Variants in LARP1B observed in about 807,000 individuals in gnomAD.
LARP1B encodes La ribonucleoprotein 1B, also known as la-related protein 1B.
A neutral mutation model predicts 114.2 loss-of-function variants in LARP1B; 76 were observed. That is an observed-to-expected ratio of 0.67 (90% CI 0.55 to 0.81). The LOEUF is 0.81. Ranked by LOEUF, LARP1B falls within the 30% of genes least tolerant of loss-of-function variation. The pLI is 0.00. For synonymous variants in LARP1B, 345 were observed against 348.0 expected, an observed-to-expected ratio of 0.99 and a Z score of 0.10; for missense variants, 1,014 against 1,075.8, an observed-to-expected ratio of 0.94 and a Z score of 0.80.
intron 9 of LARP1B, among the ~76,000 whole-genome samples, chr4:128,109,549 A>G (rs990199305): frequency 3.9e-5 from 6 of 152,106 alleles, no homozygotes; most frequent in African/African-American, 1.4e-4. Flanking sequence ...TAGGTTTTGC[A>G]GTTTTATGGA....
At chr4:128,151,568 G>C (rs1355868310) in intron 11 of LARP1B, among the ~76,000 whole-genome samples, 1 of 151,238 alleles carries the variant, frequency 6.6e-6, no homozygotes, top group Non-Finnish European at 1.5e-5. Flanking sequence ...CTTCAGTTTG[G>C]ATTTGCCCGA....
intron 15 of LARP1B, among the ~76,000 whole-genome samples, chr4:128,195,331 A>AT (rs1753724114): frequency 6.6e-6 from 1 of 152,168 alleles, no homozygotes; most frequent in Admixed American, 6.6e-5. Flanking sequence ...TGATTGAGGA[A>AT]TTCTTTATCT....
intron 1 of LARP1B, among the ~76,000 whole-genome samples, chr4:128,068,688 C>T (rs953656971): frequency 3.3e-5 from 5 of 152,050 alleles, no homozygotes; most frequent in African/African-American, 1.2e-4. Context: ...GCTGCTATTA[C>T]AGGTGTGAGC....
At chr4:128,093,820 C>G (rs1016667980) in intron 7 of LARP1B, among the ~76,000 whole-genome samples, 4 of 150,278 alleles carry the variant, frequency 2.7e-5, no homozygotes, top group African/African-American at 9.8e-5. Context: ...AAGCAATTCT[C>G]CTGCCTCAGC....
chr4:128,209,862 A>G lies in LARP1B; in HGVS notation c.2554A>G (p.Ile852Val), dbSNP rs1758659397. The G allele has an allele frequency of 1.2e-6, 2 of 1,612,936 alleles. No homozygotes were observed. The highest frequency in any genetic ancestry group is 1.7e-6 in the Non-Finnish European group (2 of 1,179,110). Reference protein sequence around the residue: ...RLEDFRVDPPISDEFGRKRHS... With the variant: ...RLEDFRVDPPVSDEFGRKRHS... ...TGCCTTTCATCATTTGCAGCCCCCT[A>G]TTAGTGATGAATTTGGAAGAAAAAG... The change falls in exon 20 of 20, where the codon ATT becomes GTT. Residue 852 changes from isoleucine (I) to valine (V), a missense_variant. Coordinates refer to ENST00000326639, the MANE Select transcript of LARP1B (RefSeq NM_018078.4).
intron 1 of LARP1B, among the ~76,000 whole-genome samples, chr4:128,068,229 G>A (rs1763832335): frequency 6.6e-6 from 1 of 151,968 alleles, no homozygotes; most frequent in Non-Finnish European, 1.5e-5. Flanking sequence ...TGTTGGCCAG[G>A]CTGATCTTGA....
chr4:128,077,786 A>G lies in LARP1B; in HGVS notation c.43-2A>G. On this transcript the variant is annotated splice_acceptor_variant, in intron 3 of 19. Coordinates refer to ENST00000326639, the MANE Select transcript of LARP1B (RefSeq NM_018078.4). LOFTEE classifies it high-confidence loss of function. ...CATTTCATTCTGAAAACCTTTTTGC[A>G]GTTTCAGAGCGTCCTCAGCCAAGGA... 6.5e-7 allele frequency: 1 copy of G among 1,539,484 alleles called. No individual in the cohort carries two copies. Among genetic ancestry groups the G allele is most frequent in the South Asian group, 1.3e-5 (1 of 76,824 alleles).
chr4:128,164,844 AC>A (rs1740026832), intron 12 of LARP1B, among the ~76,000 whole-genome samples: 1 of 152,116 alleles, frequency 6.6e-6, no homozygotes, highest in Non-Finnish European at 1.5e-5. Flanking sequence ...GCAAATGAAA[AC>A]TAAAAAATGC....
chr4:128,069,365 A>AAAG, intron 1 of LARP1B: 1 of 768,668 alleles, frequency 1.3e-6, no homozygotes, highest in Non-Finnish European at 2.4e-6. Context: ...GCTGGTTAAC[A>AAAG]CCATGATGGA....
intron 3 of LARP1B, among the ~76,000 whole-genome samples, chr4:128,076,849 A>T (rs777186722): frequency 1.3e-5 from 2 of 151,946 alleles, no homozygotes; most frequent in African/African-American, 4.8e-5. Flanking sequence ...CCTCAGCCCC[A>T]TAAGTAGCTG....
At chr4:128,085,214 T>G (rs1000584650) in intron 5 of LARP1B, among the ~76,000 whole-genome samples, 1 of 152,184 alleles carries the variant, frequency 6.6e-6, no homozygotes, top group Non-Finnish European at 1.5e-5. Flanking sequence ...CTCTAGACTT[T>G]TAAAAAATTT....
rs530413233 is a variant in LARP1B, at chr4:128,155,713, C to T, written c.1525-6481C>T. On this transcript the variant is annotated intron_variant, in intron 11 of 19. Coordinates refer to ENST00000326639, the MANE Select transcript of LARP1B (RefSeq NM_018078.4). The stretch of plus-strand genomic sequence containing the variant: ...CAGCCCGGAGGAAGAGGAGCGCCGC[C>T]GAGTAAGGCCCGAGCGGAACAAGCT... 4.4e-6 allele frequency: 7 copies of T among 1,607,444 alleles called. No individual in the cohort carries two copies. In the East Asian group the frequency reaches 1.1e-4, roughly 26 times the overall value.
At chr4:128,207,800 G>C (rs1220550198) in intron 19 of LARP1B, among the ~76,000 whole-genome samples, 1 of 152,248 alleles carries the variant, frequency 6.6e-6, no homozygotes, top group Non-Finnish European at 1.5e-5. Flanking sequence ...AGAGAATGTT[G>C]TGTGCATGTG....
At chr4:128,101,148 A>G (rs545890688) in intron 8 of LARP1B, among the ~76,000 whole-genome samples, 6 of 150,358 alleles carry the variant, frequency 4.0e-5, no homozygotes, top group Non-Finnish European at 7.4e-5. Flanking sequence ...TTGAATAGCA[A>G]GTTTTTGAAC....
At chr4:128,160,158 G>T (rs4484314) in intron 11 of LARP1B, among the ~76,000 whole-genome samples, 62,848 of 152,028 alleles carry the variant, frequency 0.41, 14,252 homozygotes, top group African/African-American at 0.6. Flanking sequence ...AATGAGTGTG[G>T]TTATGTTCCA....
At chr4:128,184,647 A>G (rs1375200408) in intron 15 of LARP1B, among the ~76,000 whole-genome samples, 4 of 152,298 alleles carry the variant, frequency 2.6e-5, no homozygotes, top group African/African-American at 7.2e-5. Context: ...ATTGTTAAGT[A>G]TGGTTATTCT....
At chr4:128,182,726 A>G (rs1025286723) in intron 15 of LARP1B, among the ~76,000 whole-genome samples, 1 of 152,220 alleles carries the variant, frequency 6.6e-6, no homozygotes, top group African/African-American at 2.4e-5. Context: ...GCACGTTGAA[A>G]GCCCCAAGAC....
chr4:128,108,209 T>C, intron 9 of LARP1B: 7 of 1,195,806 alleles, frequency 5.9e-6, no homozygotes, highest in Non-Finnish European at 7.3e-6. Context: ...TTAATTATTA[T>C]TATTCTGGAA....
chr4:128,080,943 A>G (rs992389701), intron 4 of LARP1B, among the ~76,000 whole-genome samples: 3 of 152,180 alleles, frequency 2.0e-5, no homozygotes, highest in African/African-American at 7.2e-5. Context: ...CCTAAAGCCT[A>G]ACTTTCCAAA....
Sources: allele counts gnomAD v4.1 joint callset (sites outside exome capture counted in the v4.1 genomes callset), GRCh38; gene constraint gnomAD v4.1.1; transcripts MANE v1.5; gene names NCBI Gene and HGNC (gene_info 2026-07-23, HGNC 2026-07-21).